CFAP68: variants seen among roughly 807,000 people sequenced by gnomAD.
CFAP68 encodes the protein cilia- and flagella-associated protein 68.
At chr11:111,883,934 C>T in the CFAP68 span, 1 of 1,263,876 alleles carries the variant, frequency 7.9e-7, no homozygotes, top group Non-Finnish European at 1.1e-6. Context: ...AGTTTCACAT[C>T]CAGGTTTCTA....
the CFAP68 span, among the ~76,000 whole-genome samples, chr11:111,881,963 TACTC>T: frequency 1.3e-5 from 2 of 152,234 alleles, no homozygotes; most frequent in African/African-American, 2.4e-5. Context: ...GATCATTTAT[TACTC>T]ATTTATTGTG....
At chr11:111,882,235 AC>A in the CFAP68 span, 1 of 718,548 alleles carries the variant, frequency 1.4e-6, no homozygotes, top group South Asian at 2.0e-5. Context: ...AAGAAACAGA[AC>A]CATAACATAG....
the CFAP68 span, chr11:111,882,581 A>C: frequency 1.9e-6 from 3 of 1,582,866 alleles, no homozygotes; most frequent in African/African-American, 4.1e-5. Context: ...CGTGCAGCCC[A>C]AACCCTTGCC....
the CFAP68 span, chr11:111,881,638 G>A: frequency 1.3e-6 from 2 of 1,503,646 alleles, no homozygotes; most frequent in Non-Finnish European, 8.8e-7. Flanking sequence ...TAAGTCAGGG[G>A]GCCAGACTCA....
At chr11:111,882,280 C>A in the CFAP68 span, 2 of 1,088,476 alleles carry the variant, frequency 1.8e-6, no homozygotes, top group Non-Finnish European at 2.7e-6. Flanking sequence ...TTGTGTTATA[C>A]CTGGCTATGT....
At chr11:111,883,308 G>A in the CFAP68 span, 2 of 1,024,700 alleles carry the variant, frequency 2.0e-6, no homozygotes, top group East Asian at 5.2e-5. Context: ...GAATAAGTGA[G>A]GCTGGGCGCA....
chr11:111,883,255 C>T, the CFAP68 span: 1 of 1,430,742 alleles, frequency 7.0e-7, no homozygotes, highest in Non-Finnish European at 9.6e-7. Context: ...AACTCAGTGA[C>T]CGGCACATAG....
At chr11:111,881,097 A>G in the CFAP68 span, 1 of 788,978 alleles carries the variant, frequency 1.3e-6, no homozygotes, top group African/African-American at 1.8e-5. Flanking sequence ...AGTCTGATTC[A>G]AAAATCAACA....
At chr11:111,879,583 G>A in the CFAP68 span, 2 of 1,614,172 alleles carry the variant, frequency 1.2e-6, no homozygotes, top group Non-Finnish European at 1.7e-6. Flanking sequence ...CAGTGTCTCT[G>A]CTGCTCAAAA....
the CFAP68 span, chr11:111,881,568 T>G: frequency 6.5e-7 from 1 of 1,535,966 alleles, no homozygotes; most frequent in South Asian, 1.2e-5. Flanking sequence ...TAAGAAATCT[T>G]CAAAGAGCTC....
chr11:111,882,047 G>A, the CFAP68 span, among the ~76,000 whole-genome samples: 2 of 152,106 alleles, frequency 1.3e-5, no homozygotes, highest in African/African-American at 4.8e-5. Flanking sequence ...GTCCCTCAAT[G>A]CCTACATCTC....
chr11:111,882,501 A>G, the CFAP68 span: 1 of 1,614,166 alleles, frequency 6.2e-7, no homozygotes, highest in Non-Finnish European at 8.5e-7. Context: ...TGCACCACTA[A>G]TGAGAATACC....
chr11:111,879,985 AAC>A, the CFAP68 span, among the ~76,000 whole-genome samples: 1,011 of 152,320 alleles, frequency 6.6e-3, 6 homozygotes, highest in Middle Eastern at 0.051. Flanking sequence ...GTTTGGCTGA[AAC>A]ACAATTGGAG....
chr11:111,881,213 C>G, the CFAP68 span: 1 of 1,335,636 alleles, frequency 7.5e-7, no homozygotes, highest in Non-Finnish European at 9.6e-7. Flanking sequence ...CATTCCAGCC[C>G]TAGAGACAGT....
chr11:111,881,682 C>T, the CFAP68 span: 10 of 1,450,576 alleles, frequency 6.9e-6, no homozygotes, highest in East Asian at 9.9e-5. Context: ...GAGCTTTTAT[C>T]TTACCAAAAA....
chr11:111,879,947 A>C, the CFAP68 span, among the ~76,000 whole-genome samples: 1 of 152,206 alleles, frequency 6.6e-6, no homozygotes, highest in South Asian at 2.1e-4. Flanking sequence ...ATATATGCAA[A>C]AGCTTGATGG....
chr11:111,885,064 T>C, the CFAP68 span: 2 of 151,856 alleles, frequency 1.3e-5, no homozygotes, highest in Admixed American at 1.3e-4. Flanking sequence ...GGCAGGAGAA[T>C]TGCTTGAACC....
At chr11:111,881,024 A>C in the CFAP68 span, 1 of 333,684 alleles carries the variant, frequency 3.0e-6, no homozygotes, top group African/African-American at 2.2e-5. Context: ...AGGCAACTGC[A>C]ATAATGGAGA....
At chr11:111,880,297 A>G in the CFAP68 span, among the ~76,000 whole-genome samples, 1 of 152,198 alleles carries the variant, frequency 6.6e-6, no homozygotes. Flanking sequence ...TGAGAATGTC[A>G]GAGGTATTTA....
Sources: allele counts gnomAD v4.1 joint callset (sites outside exome capture counted in the v4.1 genomes callset), GRCh38; gene constraint gnomAD v4.1.1; transcripts MANE v1.5; gene names NCBI Gene and HGNC (gene_info 2026-07-23, HGNC 2026-07-21).